Variants in PSG3 observed in about 807,000 individuals in gnomAD.
PSG3 encodes pregnancy-specific beta-1-glycoprotein 3.
Under a neutral mutation model 47.5 loss-of-function variants are expected in PSG3, and 61 were observed. The ratio of observed to expected loss-of-function variants is 1.28; its 90% confidence interval spans 1.05 to 1.59. The LOEUF (loss-of-function observed/expected upper bound fraction) is 1.59, where lower values mean the gene tolerates loss of function less well. Ranked by LOEUF, PSG3 falls within the 40% of genes most tolerant of loss-of-function variation. The pLI, the probability that PSG3 is intolerant of heterozygous loss-of-function variation, is 0.00. For synonymous variants in PSG3, 263 were observed against 198.4 expected, an observed-to-expected ratio of 1.33 and a Z score of -2.74; for missense variants, 756 against 524.0, an observed-to-expected ratio of 1.44 and a Z score of -4.32.
chr19:42,732,604 C>T (rs1969490357), intron 3 of PSG3, 180 bp downstream of exon 3: 46 of 1,419,828 alleles, frequency 3.2e-5, no homozygotes, highest in South Asian at 9.2e-5. Context: ...CCTCTTTTCT[C>T]CTATTGTTGA....
At chr19:42,725,494 T>C (rs562054370) in intron 5 of PSG3, among the ~76,000 whole-genome samples, 1 of 151,934 alleles carries the variant, frequency 6.6e-6, no homozygotes, top group East Asian at 1.9e-4. Context: ...CAAAATAAAA[T>C]CAACAAAATT....
At chr19:42,722,352 G>T (rs1463820761) in intron 6 of PSG3, among the ~76,000 whole-genome samples, 1 of 152,164 alleles carries the variant, frequency 6.6e-6, no homozygotes, top group Non-Finnish European at 1.5e-5. Flanking sequence ...CCGGGTTCCT[G>T]CCATTCTCCT....
intron 3 of PSG3, among the ~76,000 whole-genome samples, chr19:42,730,336 G>A (rs879546809): frequency 2.0e-5 from 3 of 152,130 alleles, no homozygotes; most frequent in Non-Finnish European, 4.4e-5. Context: ...ACAGCCCCTG[G>A]TACCCCTCCC....
chr19:42,723,939 T>A lies in PSG3; in HGVS notation c.*40+3A>T. The A allele has an allele frequency of 7.0e-6, 11 of 1,571,956 alleles. No homozygotes were observed. Among genetic ancestry groups the A allele is most frequent in the Non-Finnish European group, 9.6e-6 (11 of 1,141,718 alleles). On this transcript the variant is annotated splice_donor_region_variant and intron_variant, in intron 6 of 6. Transcript: ENST00000327495. ...ACCAGGATAAGAGGAAAGGTCATCATACCTGCCAGTCTTCCTGAAATACAG... is the reference window on the plus strand; with the variant it reads ...ACCAGGATAAGAGGAAAGGTCATCAAACCTGCCAGTCTTCCTGAAATACAG...
chr19:42,738,049 T>C (rs1282438765), intron 2 of PSG3, among the ~76,000 whole-genome samples: 1 of 152,226 alleles, frequency 6.6e-6, no homozygotes, highest in African/African-American at 2.4e-5. Flanking sequence ...TCTGGGGACA[T>C]TAGACTTTCT....
chr19:42,722,786 A>C (rs1969319659), intron 6 of PSG3, among the ~76,000 whole-genome samples: 1 of 152,206 alleles, frequency 6.6e-6, no homozygotes, highest in African/African-American at 2.4e-5. Flanking sequence ...AGGTAATTCC[A>C]GTACTTCCAG....
Position 42,740,212 on chromosome 19 carries a change from T to A in PSG3, c.64+109A>T, listed in dbSNP as rs1269073186. On this transcript the variant is annotated intron_variant, in intron 1 of 6. Transcript: ENST00000327495. Reference sequence around the variant, plus strand: ...CGTGATCCACCCTCCTCAGCCTCCCTAAGTGCTGGCTTCTTTTATTTTTTA... The same window carrying A: ...CGTGATCCACCCTCCTCAGCCTCCCAAAGTGCTGGCTTCTTTTATTTTTTA... 38 of 1,601,966 alleles carry A rather than the reference T, an allele frequency of 2.4e-5. No homozygotes were observed. In the East Asian group the frequency reaches 2.7e-4, roughly 11 times the overall value.
intron 2 of PSG3, among the ~76,000 whole-genome samples, chr19:42,736,612 T>TTGTGTGTGTGTGTGTGTG (rs61479007): frequency 2.8e-4 from 39 of 138,738 alleles, no homozygotes; most frequent in African/African-American, 1.1e-3. Context: ...TTCAATACAT[T>TTGTGTGTGTGTGTGTGTG]TGTGTGTGTG....
At position 42,738,869 on chromosome 19, in the gene PSG3, G is replaced by T. The variant is rs377575932; in HGVS notation, c.285C>A (p.Tyr95Ter). ...TGGAATATACTGTTTCTCGTCCACT[G>T]TATGCAGGCCCATATATAATTATTT... ...DGQIIIYGPAYSGRETVYSNA... is the reference protein window; with the variant it reads ...DGQIIIYGPA Residue 95 changes from tyrosine to a stop codon, truncating the protein, a stop_gained, in exon 2 of 7, where the codon TAC (tyrosine) becomes TAA (stop). Transcript: ENST00000327495. LOFTEE classifies it high-confidence loss of function. 6.2e-7 allele frequency: 1 copy of T among 1,614,130 alleles called. No homozygotes were observed. The highest frequency in any genetic ancestry group is 8.5e-7 in the Non-Finnish European group (1 of 1,180,004).
intron 5 of PSG3, among the ~76,000 whole-genome samples, chr19:42,727,869 G>A (rs572589990): frequency 1.6e-4 from 25 of 152,294 alleles, no homozygotes; most frequent in Admixed American, 1.3e-3. Flanking sequence ...GGAAACAACT[G>A]AAAAGTCCAT....
chr19:42,729,075 G>T (rs554611430), intron 5 of PSG3, 48 bp downstream of exon 5: 136 of 1,613,218 alleles, frequency 8.4e-5, no homozygotes, highest in Admixed American at 1.7e-4. Flanking sequence ...GAAAGCCAGA[G>T]AGACTCCACC....
At chr19:42,733,851 G>A (rs1383078918) in intron 2 of PSG3, 3 of 152,320 alleles carry the variant, frequency 2.0e-5, no homozygotes, top group East Asian at 1.9e-4. Context: ...GGATCTTTTT[G>A]GAAATACATG....
In PSG3 at chr19:42,732,735, G is replaced by T. The variant is rs143488800; in HGVS notation, c.709+49C>A. 7.2e-5 allele frequency: 116 copies of T among 1,614,140 alleles called. No homozygotes were observed. The East Asian group carries it at 1.7e-3, about 24-fold the overall frequency. On this transcript the variant is annotated intron_variant, in intron 3 of 6. Coordinates refer to ENST00000327495, the MANE Select transcript of PSG3 (RefSeq NM_021016.4). Reference sequence around the variant, plus strand: ...ACTGAGAGGCCTGGCCTCTGGCCACGTGTATTTGGGATGGCAGACTGGCTC... The same window carrying T: ...ACTGAGAGGCCTGGCCTCTGGCCACTTGTATTTGGGATGGCAGACTGGCTC...
At chr19:42,739,992 G>A (rs893664872) in intron 1 of PSG3, among the ~76,000 whole-genome samples, 14 of 148,098 alleles carry the variant, frequency 9.5e-5, no homozygotes, top group East Asian at 4.0e-4. Context: ...TTGTACTGTC[G>A]CCCAGGCTGG....
At chr19:42,723,873 G>T in intron 6 of PSG3, 69 bp downstream of exon 6, 1 of 1,253,564 alleles carries the variant, frequency 8.0e-7, no homozygotes, top group Non-Finnish European at 1.2e-6. Context: ...AGGCAAATAA[G>T]TCTTTTCCCT....
At chr19:42,733,198 A>G (rs1291648481) in intron 2 of PSG3, 136 bp from the exon 3 acceptor site, 294 of 1,486,300 alleles carry the variant, frequency 2.0e-4, no homozygotes, top group African/African-American at 8.9e-4. Context: ...TGTGTGTGTT[A>G]CAAGACAGAT....
intron 4 of PSG3, 86 bp from the exon 5 acceptor site, chr19:42,729,463 T>C: frequency 1.9e-6 from 3 of 1,541,938 alleles, no homozygotes; most frequent in South Asian, 2.6e-5. Context: ...AGTGACCCTC[T>C]GAGCCAAGAC....
chr19:42,733,141 A>T lies in PSG3; in HGVS notation c.431-79T>A, dbSNP rs1303850541. 6 of 1,554,134 alleles carry T rather than the reference A, an allele frequency of 3.9e-6. No individual in the cohort carries two copies. In the African/African-American group the frequency reaches 8.2e-5, roughly 21 times the overall value. ...AAGGCATTTTTCAATCAGAGTTGGC[A>T]TTTCCCACCTCTCAGCCCACCCAAG... On this transcript the variant is annotated intron_variant, in intron 2 of 6. Transcript: ENST00000327495.
intron 2 of PSG3, among the ~76,000 whole-genome samples, chr19:42,734,476 G>A (rs1395589478): frequency 1.3e-5 from 2 of 152,154 alleles, no homozygotes; most frequent in South Asian, 2.1e-4. Context: ...TTTGTCAGGA[G>A]TTTAGACCTT....
Sources: allele counts gnomAD v4.1 joint callset (sites outside exome capture counted in the v4.1 genomes callset), GRCh38; gene constraint gnomAD v4.1.1; transcripts MANE v1.5; gene names NCBI Gene and HGNC (gene_info 2026-07-23, HGNC 2026-07-21).